MAD1L1: variants seen among roughly 807,000 people sequenced by gnomAD.
MAD1L1 encodes mitotic spindle assembly checkpoint protein MAD1.
A neutral mutation model predicts 96.9 loss-of-function variants in MAD1L1; 95 were observed. That is an observed-to-expected ratio of 0.98 (90% CI 0.83 to 1.16). MAD1L1 has a LOEUF of 1.16. Among genes scored for constraint, MAD1L1 ranks in the 50% most tolerant of loss-of-function variants. The probability of loss-of-function intolerance (pLI) is 0.00; values close to 1 mark genes in which losing one functional copy is unlikely to be tolerated. For missense variants in MAD1L1, 1,007 were observed against 954.4 expected (o/e 1.06, Z -0.73); for synonymous variants, 473 against 396.6 (o/e 1.19, Z -2.29).
intron 11 of MAD1L1, among the ~76,000 whole-genome samples, chr7:2,113,849 G>A (rs1475140092): frequency 6.6e-6 from 1 of 152,178 alleles, no homozygotes; most frequent in African/African-American, 2.4e-5. Context: ...TCCAACTGAG[G>A]AACATCCACA....
At chr7:1,827,766 G>A (rs1251021570) in intron 18 of MAD1L1, among the ~76,000 whole-genome samples, 12 of 127,266 alleles carry the variant, frequency 9.4e-5, no homozygotes, top group East Asian at 4.7e-4. Context: ...AGCCCGTCCC[G>A]GGTGTGGGGT....
rs370325900 is a variant in MAD1L1 at position 1,912,300 on chromosome 7, A to G, written c.1808-13910T>C. On this transcript the variant is annotated intron_variant, in intron 17 of 18. Coordinates refer to ENST00000265854, the MANE Select transcript of MAD1L1 (RefSeq NM_001013836.2). ...AGCAAATGGGGGCATGTGTGGCTCA[A>G]AAGGAAAACTTAACCTATCCTTTTG... Among the ~76,000 whole-genome samples, 24 of 152,352 alleles carry G rather than the reference A, an allele frequency of 1.6e-4. 1 individual carries two copies. Among genetic ancestry groups the G allele is most frequent in the African/African-American group, 5.8e-4 (24 of 41,588 alleles).
chr7:2,019,077 G>C (rs1055893043), intron 12 of MAD1L1, among the ~76,000 whole-genome samples: 1 of 152,194 alleles, frequency 6.6e-6, no homozygotes, highest in Non-Finnish European at 1.5e-5. Context: ...AATAGATTCA[G>C]GCGGGAACGT....
At chr7:1,858,667 G>A (rs1308068784) in intron 18 of MAD1L1, among the ~76,000 whole-genome samples, 1 of 152,236 alleles carries the variant, frequency 6.6e-6, no homozygotes, top group Admixed American at 6.5e-5. Flanking sequence ...CTGGGATAGT[G>A]AGAACATGCG....
At chr7:2,140,893 C>T (rs570730934) in intron 11 of MAD1L1, among the ~76,000 whole-genome samples, 1 of 152,236 alleles carries the variant, frequency 6.6e-6, no homozygotes, top group Admixed American at 6.5e-5. Flanking sequence ...CACATTTCAT[C>T]CACTTCCACA....
chr7:1,989,186 G>A (rs1781293876), intron 14 of MAD1L1, among the ~76,000 whole-genome samples: 1 of 152,212 alleles, frequency 6.6e-6, no homozygotes, highest in Admixed American at 6.5e-5. Flanking sequence ...AAAGCCACGG[G>A]AGCCACTCCA....
intron 18 of MAD1L1, chr7:1,854,490 T>G: frequency 5.0e-6 from 2 of 402,276 alleles, no homozygotes; most frequent in South Asian, 1.8e-5. Flanking sequence ...TGTTTGGTGA[T>G]GGAGCTTTCT....
intron 10 of MAD1L1, among the ~76,000 whole-genome samples, chr7:2,178,888 CAAA>C (rs1192952349): frequency 4.5e-5 from 4 of 88,124 alleles, no homozygotes; most frequent in Non-Finnish European, 2.4e-5. Context: ...CACAGAGTCT[CAAA>C]AAAAAAAAAA....
intron 13 of MAD1L1, among the ~76,000 whole-genome samples, chr7:2,011,071 C>T (rs1216402255): frequency 4.0e-5 from 6 of 151,372 alleles, no homozygotes; most frequent in Non-Finnish European, 7.4e-5. Flanking sequence ...GCAGGGGGTT[C>T]GGGGGGAGCA....
intron 12 of MAD1L1, among the ~76,000 whole-genome samples, chr7:2,060,171 GCCGATGCCGAGATACA>G (rs1170343963): frequency 7.6e-5 from 11 of 145,566 alleles, no homozygotes; most frequent in South Asian, 6.8e-4. Flanking sequence ...GCCGAGATAC[GCCGATGCCGAGATACA>G]CCGATGCCAA....
chr7:1,864,427 G>A (rs1246653836), intron 18 of MAD1L1, among the ~76,000 whole-genome samples: 1 of 152,182 alleles, frequency 6.6e-6, no homozygotes, highest in Non-Finnish European at 1.5e-5. Flanking sequence ...TTTTGACTGG[G>A]GCTCAGGGCT....
At chr7:1,874,359 C>T (rs142110176) in intron 18 of MAD1L1, 22 of 361,234 alleles carry the variant, frequency 6.1e-5, no homozygotes, top group Admixed American at 3.9e-4. Flanking sequence ...GTCAGGGAAG[C>T]GTCTCAGGAG....
intron 12 of MAD1L1, among the ~76,000 whole-genome samples, chr7:2,042,309 GCA>G (rs1481841159): frequency 6.6e-6 from 1 of 151,148 alleles, no homozygotes; most frequent in African/African-American, 2.4e-5. Flanking sequence ...ACGCAGATGT[GCA>G]CAGACACACA....
At chr7:1,929,474 C>T (rs1385435107) in intron 17 of MAD1L1, among the ~76,000 whole-genome samples, 2 of 152,160 alleles carry the variant, frequency 1.3e-5, no homozygotes, top group African/African-American at 2.4e-5. Flanking sequence ...CCGCCAAGGG[C>T]CCGTGCCGAT....
chr7:2,209,826 G>C (rs1224080788), intron 10 of MAD1L1: 2 of 152,442 alleles, frequency 1.3e-5, no homozygotes, highest in African/African-American at 4.8e-5. Context: ...GTCACCTCAG[G>C]TCCCCACGGC....
At chr7:1,948,247 C>T (rs948243022) in intron 16 of MAD1L1, among the ~76,000 whole-genome samples, 3 of 152,168 alleles carry the variant, frequency 2.0e-5, no homozygotes, top group Admixed American at 6.5e-5. Flanking sequence ...GCCAAGGCGT[C>T]CACGGCAAAG....
chr7:2,010,539 C>G (rs1346275062), intron 13 of MAD1L1, among the ~76,000 whole-genome samples: 1 of 152,224 alleles, frequency 6.6e-6, no homozygotes, highest in Non-Finnish European at 1.5e-5. Flanking sequence ...ATGCTACGGG[C>G]TCCCGCAGCC....
At chr7:2,212,869 T>A (rs765168790) in intron 10 of MAD1L1, among the ~76,000 whole-genome samples, 1 of 152,230 alleles carries the variant, frequency 6.6e-6, no homozygotes, top group African/African-American at 2.4e-5. Context: ...CTAAAATGAA[T>A]GATTTCCCCC....
chr7:2,219,238 T>G, intron 6 of MAD1L1, 94 bp downstream of exon 6: 1 of 1,149,302 alleles, frequency 8.7e-7, no homozygotes, highest in Non-Finnish European at 1.2e-6. Flanking sequence ...CATCTGGGAG[T>G]GTATCCACAT....
Sources: allele counts gnomAD v4.1 joint callset (sites outside exome capture counted in the v4.1 genomes callset), GRCh38; gene constraint gnomAD v4.1.1; transcripts MANE v1.5; gene names NCBI Gene and HGNC (gene_info 2026-07-23, HGNC 2026-07-21).